The following RAP1GDS1 variants were observed in gnomAD, a reference collection of about 807,000 sequenced individuals.
RAP1GDS1 encodes the protein RAP1, GTP-GDP dissociation stimulator 1.
A neutral mutation model predicts 71.1 loss-of-function variants in RAP1GDS1; 35 were observed. The ratio of observed to expected loss-of-function variants is 0.49; its 90% CI spans 0.38 to 0.65. RAP1GDS1 has a LOEUF of 0.65. Ranked by LOEUF, RAP1GDS1 falls within the 30% of genes least tolerant of loss-of-function variation. The probability of loss-of-function intolerance (pLI) is 0.00; values close to 1 mark genes in which losing one functional copy is unlikely to be tolerated. For synonymous variants in RAP1GDS1, 229 were observed against 243.1 expected (o/e 0.94, Z 0.54); for missense variants, 663 against 706.1 (o/e 0.94, Z 0.69).
chr4:98,421,131 T>C, intron 11 of RAP1GDS1, 124 bp from the exon 12 acceptor site: 3 of 1,106,626 alleles, frequency 2.7e-6, no homozygotes, highest in Non-Finnish European at 3.7e-6. Flanking sequence ...TTTGCAGTTC[T>C]AGCTTTAATG....
In RAP1GDS1 at chr4:98,328,211, T is replaced by G. The variant is rs72896322; in HGVS notation, c.113-14928T>G. ...TAGCAATAGCACAGGCATTTTCTTATTTAACCAGTTGATACAAAAAGATCT... is the reference window on the plus strand; with the variant it reads ...TAGCAATAGCACAGGCATTTTCTTAGTTAACCAGTTGATACAAAAAGATCT... On this transcript the variant is annotated intron_variant, in intron 2 of 14. Transcript: ENST00000408927. Among the ~76,000 whole-genome samples the G allele has an allele frequency of 2.3e-3, 347 of 152,350 alleles. 5 individuals carry two copies. The highest frequency in any genetic ancestry group is 8.2e-3 in the African/African-American group (343 of 41,594).
In RAP1GDS1 at chr4:98,442,018, G is replaced by A. The variant is rs1299804637; in HGVS notation, c.1725G>A (p.Leu575=). The change falls in exon 15 of 15, where the codon TTG becomes TTA. Residue 575 remains leucine (L), a synonymous_variant. Transcript: ENST00000408927. The part of the protein sequence containing the change: ...SECLHKEVQD[L]AFLDVVSKLR... ...GTCTACACAAGGAAGTACAGGATTT[G>A]GCTTTTCTAGATGTCGTATCCAAAC... 2.5e-6 allele frequency: 4 copies of A among 1,613,748 alleles called. No individual in the cohort carries two copies. The Admixed American group carries it at 5.0e-5, about 20-fold the overall frequency.
intron 2 of RAP1GDS1, among the ~76,000 whole-genome samples, chr4:98,330,674 A>C (rs1457671807): frequency 7.7e-6 from 1 of 129,076 alleles, no homozygotes; most frequent in Non-Finnish European, 1.6e-5. Flanking sequence ...GACGGCCGGG[A>C]AGAGGCGCTC....
At chr4:98,420,712 T>C (rs912465665) in intron 11 of RAP1GDS1, among the ~76,000 whole-genome samples, 3 of 152,172 alleles carry the variant, frequency 2.0e-5, no homozygotes, top group African/African-American at 7.2e-5. Context: ...TATTAGTACT[T>C]ATAGTCCTGG....
chr4:98,404,250 T>C (rs1745825648), intron 6 of RAP1GDS1, among the ~76,000 whole-genome samples: 1 of 152,194 alleles, frequency 6.6e-6, no homozygotes, highest in East Asian at 1.9e-4. Flanking sequence ...TTGCTGTGGT[T>C]ACTAGAGAAC....
Position 98,293,286 on chromosome 4 carries a change from C to T in RAP1GDS1, c.5-122C>T, listed in dbSNP as rs116614019. ...CAGTCTAATGCCATTTTGGAATGTA[C>T]GTGGAGGTTAATTTGCTATTATAGG... is the stretch of plus-strand genomic sequence containing the variant. On this transcript the variant is annotated intron_variant, in intron 1 of 14. Coordinates refer to ENST00000408927, the MANE Select transcript of RAP1GDS1 (RefSeq NM_001100427.2). The T allele has an allele frequency of 7.5e-4, 465 of 622,988 alleles. 2 individuals carry two copies. The highest frequency in any genetic ancestry group is 7.4e-3 in the African/African-American group (395 of 53,492). 38.6% of individuals were successfully genotyped at this position (622,988 alleles called of 1,614,324 possible).
At chr4:98,432,062 C>T (rs1750494159) in intron 12 of RAP1GDS1, among the ~76,000 whole-genome samples, 2 of 152,058 alleles carry the variant, frequency 1.3e-5, no homozygotes, top group African/African-American at 4.8e-5. Flanking sequence ...AGGTATTTCT[C>T]CTAATGCTAT....
intron 1 of RAP1GDS1, among the ~76,000 whole-genome samples, chr4:98,261,813 G>GCACCTCGCAGCCTCGCCTCCCCTC (rs1722023078): frequency 6.6e-6 from 1 of 152,008 alleles, no homozygotes; most frequent in Non-Finnish European, 1.5e-5. Flanking sequence ...CGGCTCCCCG[G>GCACCTCGCAGCCTCGCCTCCCCTC]CACCTCGCAG....
intron 7 of RAP1GDS1, among the ~76,000 whole-genome samples, chr4:98,412,619 G>C (rs1210487598): frequency 6.6e-6 from 1 of 152,166 alleles, no homozygotes; most frequent in African/African-American, 2.4e-5. Context: ...GGCCAGTTTA[G>C]GTTAAGATAC....
intron 2 of RAP1GDS1, among the ~76,000 whole-genome samples, chr4:98,315,473 A>G (rs904464127): frequency 1.3e-5 from 2 of 152,114 alleles, no homozygotes; most frequent in African/African-American, 4.8e-5. Context: ...GAACCAAGGA[A>G]TGCTGAATTT....
chr4:98,303,901 T>TG (rs1728938394), intron 2 of RAP1GDS1, among the ~76,000 whole-genome samples: 1 of 151,930 alleles, frequency 6.6e-6, no homozygotes, highest in Non-Finnish European at 1.5e-5. Context: ...CCCCTTCCTG[T>TG]GTCCATGTGT....
chr4:98,375,443 A>G (rs1349918801), intron 4 of RAP1GDS1, among the ~76,000 whole-genome samples: 4 of 152,180 alleles, frequency 2.6e-5, no homozygotes, highest in Admixed American at 6.5e-5. Flanking sequence ...AGGGCACACA[A>G]TTTAACCCAT....
rs1578548740 is a variant in RAP1GDS1, at chr4:98,351,638, T to C, written c.236-838T>C. On this transcript the variant is annotated intron_variant, in intron 3 of 14. Coordinates refer to ENST00000408927, the MANE Select transcript of RAP1GDS1 (RefSeq NM_001100427.2). Reference sequence around the variant, plus strand: ...AAAAAGGTAATTCAGTTATTGGTTATTGGAGAAATTTCATCAGTTACATAC... The same window carrying C: ...AAAAAGGTAATTCAGTTATTGGTTACTGGAGAAATTTCATCAGTTACATAC... Among the ~76,000 whole-genome samples the C allele has an allele frequency of 3.3e-5, 5 of 152,176 alleles. 1 individual carries two copies. In the South Asian group the frequency reaches 8.3e-4, roughly 25 times the overall value.
intron 6 of RAP1GDS1, chr4:98,392,283 C>T (rs1325794522): frequency 2.5e-6 from 1 of 408,110 alleles, no homozygotes; most frequent in African/African-American, 2.1e-5. Flanking sequence ...CGTTTTATTT[C>T]CCTAATAATT....
chr4:98,275,515 T>C (rs571192949), intron 1 of RAP1GDS1, among the ~76,000 whole-genome samples: 2 of 152,306 alleles, frequency 1.3e-5, no homozygotes, highest in South Asian at 2.1e-4. Flanking sequence ...TCATGAAATA[T>C]GTTTTTCCCT....
At chr4:98,296,144 G>C (rs1159686985) in intron 2 of RAP1GDS1, among the ~76,000 whole-genome samples, 4 of 151,964 alleles carry the variant, frequency 2.6e-5, no homozygotes, top group African/African-American at 7.2e-5. Context: ...AATTGCACCT[G>C]ATCAGGAAAG....
chr4:98,357,775 A>T (rs1039638701), intron 4 of RAP1GDS1, among the ~76,000 whole-genome samples: 1 of 151,928 alleles, frequency 6.6e-6, no homozygotes, highest in Non-Finnish European at 1.5e-5. Flanking sequence ...ATTTTAATAT[A>T]ACCCCTAGAA....
At chr4:98,405,003 C>G (rs1745924041) in intron 7 of RAP1GDS1, among the ~76,000 whole-genome samples, 1 of 151,934 alleles carries the variant, frequency 6.6e-6, no homozygotes, top group Admixed American at 6.6e-5. Context: ...AGAGATGCAT[C>G]GTAGAAATAA....
intron 1 of RAP1GDS1, among the ~76,000 whole-genome samples, chr4:98,285,445 T>C (rs994909254): frequency 2.0e-5 from 3 of 152,198 alleles, no homozygotes; most frequent in Non-Finnish European, 4.4e-5. Flanking sequence ...TGTCAATTAG[T>C]ACTTTTAAAT....
Sources: allele counts gnomAD v4.1 joint callset (sites outside exome capture counted in the v4.1 genomes callset), GRCh38; gene constraint gnomAD v4.1.1; transcripts MANE v1.5; gene names NCBI Gene and HGNC (gene_info 2026-07-23, HGNC 2026-07-21).